PARP6: variants seen among roughly 807,000 people sequenced by gnomAD.
PARP6 encodes the protein protein mono-ADP-ribosyltransferase PARP6.
In PARP6, 27 loss-of-function variants were observed where a neutral mutation model predicts 92.0. The ratio of observed to expected loss-of-function variants is 0.29; its 90% CI spans 0.22 to 0.40. The LOEUF is 0.40. Ranked by LOEUF, PARP6 falls within the 10% of genes least tolerant of loss-of-function variation. The pLI, the probability that PARP6 is intolerant of heterozygous loss-of-function variation, is 1.00. For synonymous variants in PARP6, 272 were observed against 281.2 expected (o/e 0.97, Z 0.33); for missense variants, 501 against 784.5 (o/e 0.64, Z 4.32).
At chr15:72,268,395 G>C (rs970061599) in intron 2 of PARP6, among the ~76,000 whole-genome samples, 3 of 152,156 alleles carry the variant, frequency 2.0e-5, no homozygotes, top group African/African-American at 4.8e-5. Flanking sequence ...CTCCATATTA[G>C]CCAGTATCTC....
In PARP6 at chr15:72,261,825, G is replaced by A. The variant is rs566032283; in HGVS notation, c.396-118C>T. 3.1e-4 allele frequency: 299 copies of A among 949,554 alleles called. 5 individuals are homozygous for A. The South Asian group carries it at 4.1e-3, about 13-fold the overall frequency. The allele number at this position is 949,554 out of a possible 1,614,324, so 58.8% of individuals were successfully genotyped here. On this transcript the variant is annotated intron_variant, in intron 8 of 23. Coordinates refer to ENST00000569795, the MANE Select transcript of PARP6 (RefSeq NM_001323532.2). ...AGGACTGCAAAGCTAGTTGTGGTAG[G>A]GGAATGTGTATCTGAAGACCCCTTT...
In PARP6 at chr15:72,242,911, C is replaced by T. The variant is rs865822261; in HGVS notation, c.1562-212G>A. On this transcript the variant is annotated intron_variant, in intron 20 of 23. Transcript: ENST00000569795. The surrounding 1 kb of genome is among the most constrained non-coding windows in gnomAD (Gnocchi z 4.3). ...AGGGGTTGTGATGCAGATTATAGAG[C>T]ATGGTGTGAGCCTAGAGGAGGGCAA... The T allele has an allele frequency of 1.3e-5, 7 of 544,850 alleles. No individual in the cohort carries two copies. The highest frequency in any genetic ancestry group is 4.0e-4 in the Middle Eastern group (1 of 2,482). The allele number at this position is 544,850 out of a possible 1,614,324, so 33.8% of individuals were successfully genotyped here.
intron 19 of PARP6, among the ~76,000 whole-genome samples, chr15:72,249,615 A>G (rs1453879392): frequency 6.6e-6 from 1 of 152,168 alleles, no homozygotes; most frequent in Non-Finnish European, 1.5e-5. Flanking sequence ...TCCAAAAAAG[A>G]GGAACTACAG....
intron 14 of PARP6, among the ~76,000 whole-genome samples, 197 bp downstream of exon 14, chr15:72,256,268 C>T (rs1009510336): frequency 2.0e-5 from 3 of 152,156 alleles, no homozygotes; most frequent in Admixed American, 6.5e-5. Context: ...TTTTCCCTAT[C>T]ATAATGTAAC....
chr15:72,255,875 C>A (rs2085052196), intron 14 of PARP6, among the ~76,000 whole-genome samples: 1 of 132,246 alleles, frequency 7.6e-6, no homozygotes, highest in African/African-American at 2.8e-5. Context: ...CGGCTCACTG[C>A]AAGCTCTGCC....
intron 20 of PARP6, among the ~76,000 whole-genome samples, chr15:72,247,050 G>A (rs754130475): frequency 5.9e-5 from 9 of 152,192 alleles, no homozygotes; most frequent in South Asian, 2.1e-4. Flanking sequence ...GAGCCACTGC[G>A]CCCAGCCAAA....
chr15:72,260,010 TA>T (rs2085645988), intron 10 of PARP6, among the ~76,000 whole-genome samples: 1 of 152,194 alleles, frequency 6.6e-6, no homozygotes, highest in Admixed American at 6.5e-5. Context: ...AATTTAGACA[TA>T]AGTTTTCTAC....
At chr15:72,258,180 A>G in intron 11 of PARP6, 48 bp from the exon 12 acceptor site, 1 of 1,345,776 alleles carries the variant, frequency 7.4e-7, no homozygotes, top group Non-Finnish European at 1.1e-6. Context: ...TGGCACACAC[A>G]GATATGGGAA....
intron 3 of PARP6, 25 bp downstream of exon 3, chr15:72,267,450 G>A (rs878969001): frequency 6.2e-7 from 1 of 1,612,662 alleles, no homozygotes; most frequent in Middle Eastern, 1.7e-4. Flanking sequence ...ACAATCAGTT[G>A]GAGAGGTGGG....
chr15:72,251,476 A>T, intron 16 of PARP6: 1 of 362,212 alleles, frequency 2.8e-6, no homozygotes, highest in Non-Finnish European at 4.9e-6. Context: ...ACACAAGCTA[A>T]TTATTGGGGA....
intron 20 of PARP6, among the ~76,000 whole-genome samples, chr15:72,247,943 C>T (rs962643609): frequency 7.9e-5 from 12 of 151,822 alleles, no homozygotes; most frequent in African/African-American, 2.9e-4. Context: ...GCTAATTTTT[C>T]TATTTTTAGT....
intron 11 of PARP6, among the ~76,000 whole-genome samples, chr15:72,258,916 T>C (rs549743650): frequency 6.6e-6 from 1 of 152,348 alleles, no homozygotes; most frequent in East Asian, 1.9e-4. Context: ...TTCTTGATTA[T>C]GAAATAAAAT....
intron 9 of PARP6, 152 bp downstream of exon 9, chr15:72,261,406 C>T (rs1312376670): frequency 1.3e-5 from 9 of 686,330 alleles, no homozygotes; most frequent in Non-Finnish European, 2.3e-5. Context: ...AAGGTAAGGA[C>T]ACATAGGGAA....
At position 72,241,340 on chromosome 15, in the gene PARP6, C is replaced by T. The variant is rs752784603; in HGVS notation, c.*115G>A. 23 of 754,120 alleles carry T rather than the reference C, an allele frequency of 3.0e-5. No individual in the cohort carries two copies. In the African/African-American group the frequency reaches 3.4e-4, roughly 11 times the overall value. 46.7% of individuals were successfully genotyped at this position (754,120 alleles called of 1,614,324 possible). A position where few individuals can be genotyped will look rare whatever the true frequency, so the allele number is the denominator to read the frequency against. Reference sequence around the variant, plus strand: ...CACCTCTTACATATCCTTTTCCTGCCCCTTGGTAATGGCCCCTTGATTCCT... The same window carrying T: ...CACCTCTTACATATCCTTTTCCTGCTCCTTGGTAATGGCCCCTTGATTCCT... On this transcript the variant is annotated 3_prime_UTR_variant, in exon 24 of 24. Coordinates refer to ENST00000569795, the MANE Select transcript of PARP6 (RefSeq NM_001323532.2). The surrounding 1 kb of genome is among the most constrained non-coding windows in gnomAD (Gnocchi z 4.1).
Position 72,265,091 on chromosome 15 carries a change from T to C in PARP6, c.318A>G (p.Leu106=), listed in dbSNP as rs2086406815. Residue 106 remains leucine (L), a synonymous_variant, in exon 7 of 24, where the codon CTA becomes CTG. Transcript: ENST00000569795. ...AGTCACTGCCTTTACCTGGTCCATC[T>C]AGGTACTGGGAGAGAGAAAATCGCA... ...LRLRFSLSQY[L]DGPEPSIEVF... 1 of 1,611,538 alleles carries C rather than the reference T, an allele frequency of 6.2e-7. No individual in the cohort carries two copies. The highest frequency in any genetic ancestry group is 1.1e-5 in the South Asian group (1 of 91,016).
intron 15 of PARP6, chr15:72,253,725 C>T (rs1479479901): frequency 3.0e-6 from 2 of 675,916 alleles, no homozygotes; most frequent in Admixed American, 4.1e-5. Flanking sequence ...AAACAACATG[C>T]AGGTGGGTCT....
Position 72,260,557 on chromosome 15 carries a change from C to A in PARP6, c.677G>T (p.Gly226Val). 6.2e-7 allele frequency: 1 copy of A among 1,614,164 alleles called. No individual in the cohort carries two copies. Among genetic ancestry groups the A allele is most frequent in the Non-Finnish European group, 8.5e-7 (1 of 1,180,014 alleles). ...ACCTGCCTGGGGGCTGGGAGGGTAG[C>A]CAAACACTTCCACTTTGGGGTTCTT... ...TMKNPKVEVF[G>V]YPPSPQAGLL... The change falls in exon 10 of 24, where the codon GGC becomes GTC. Residue 226 changes from glycine to valine, a missense_variant. This residue lies in a region of PARP6 where 291 missense variants were observed against 352.0 expected (regional missense o/e 0.83). Coordinates refer to ENST00000569795, the MANE Select transcript of PARP6 (RefSeq NM_001323532.2).
chr15:72,249,740 T>C (rs2084088630), intron 19 of PARP6, among the ~76,000 whole-genome samples: 1 of 152,228 alleles, frequency 6.6e-6, no homozygotes, highest in Non-Finnish European at 1.5e-5. Flanking sequence ...AAAGCTCTAA[T>C]AGATTAATTC....
chr15:72,267,580 A>C lies in PARP6; in HGVS notation c.-103T>G. ...CGAGATGGGCATTTAGGAGACCACA[A>C]AGGGAGACAAGGTAGGGCACGATGT... is the stretch of plus-strand genomic sequence containing the variant. On this transcript the variant is annotated 5_prime_UTR_variant, in exon 3 of 24. Transcript: ENST00000569795. 8.1e-7 allele frequency: 1 copy of C among 1,227,402 alleles called. No individual in the cohort carries two copies. Among genetic ancestry groups the C allele is most frequent in the Non-Finnish European group, 1.2e-6 (1 of 829,882 alleles). The allele number at this position is 1,227,402 out of a possible 1,614,324, so 76.0% of individuals were successfully genotyped here.
Sources: gnomAD v4.1 joint callset for allele counts (sites outside exome capture counted in the v4.1 genomes callset) on GRCh38, gnomAD v4.1.1 for gene constraint, gnomAD v4.1.1 regional missense constraint, Gnocchi (gnomAD v3.1) non-coding constraint, MANE v1.5 for transcripts, NCBI Gene and HGNC (gene_info 2026-07-23, HGNC 2026-07-21) for gene names.